Variants in SCFD2 observed in about 807,000 individuals in gnomAD.
SCFD2 encodes sec1 family domain-containing protein 2.
Under a neutral mutation model 58.9 loss-of-function variants are expected in SCFD2, and 54 were observed. The ratio of observed to expected loss-of-function variants is 0.92; its 90% CI spans 0.74 to 1.15. The LOEUF (loss-of-function observed/expected upper bound fraction) is 1.15, where lower values mean the gene tolerates loss of function less well. SCFD2 is among the 50% of genes most tolerant of loss of function. The probability of loss-of-function intolerance (pLI) is 0.00; values close to 1 mark genes in which losing one functional copy is unlikely to be tolerated. For missense variants in SCFD2, 805 were observed against 836.6 expected, an observed-to-expected ratio of 0.96 and a Z score of 0.47; for synonymous variants, 321 against 335.9, an observed-to-expected ratio of 0.96 and a Z score of 0.49.
chr4:53,258,344 A>G (rs971639065), intron 4 of SCFD2, among the ~76,000 whole-genome samples: 2 of 151,710 alleles, frequency 1.3e-5, no homozygotes, highest in African/African-American at 4.8e-5. Context: ...CAAGTCCCCA[A>G]AGTCCACTGT....
chr4:53,113,956 C>G (rs1386632482), intron 5 of SCFD2, among the ~76,000 whole-genome samples: 1 of 98,796 alleles, frequency 1.0e-5, no homozygotes, highest in East Asian at 3.2e-4. Flanking sequence ...ATAATTATTA[C>G]ATAATCATAG....
At chr4:52,934,344 G>T (rs1482687851) in intron 5 of SCFD2, among the ~76,000 whole-genome samples, 1 of 152,196 alleles carries the variant, frequency 6.6e-6, no homozygotes, top group African/African-American at 2.4e-5. Flanking sequence ...AAAGAGACAG[G>T]TCTCAGGCCT....
At chr4:52,952,960 T>C (rs1024775039) in intron 5 of SCFD2, among the ~76,000 whole-genome samples, 1 of 152,222 alleles carries the variant, frequency 6.6e-6, no homozygotes, top group Non-Finnish European at 1.5e-5. Context: ...ATCTTTTTAG[T>C]AGCCACAGAT....
chr4:52,941,501 C>G (rs962190092), intron 5 of SCFD2, among the ~76,000 whole-genome samples: 3 of 152,172 alleles, frequency 2.0e-5, no homozygotes, highest in African/African-American at 4.8e-5. Context: ...CCTTGGTAGT[C>G]TTAAGAAGAT....
intron 4 of SCFD2, among the ~76,000 whole-genome samples, chr4:53,209,671 T>C (rs1728543933): frequency 6.6e-6 from 1 of 151,968 alleles, no homozygotes; most frequent in South Asian, 2.1e-4. Context: ...GATGACATGG[T>C]CTCTGTCCTC....
chr4:53,083,392 T>C (rs1724207073), intron 5 of SCFD2, among the ~76,000 whole-genome samples: 1 of 152,022 alleles, frequency 6.6e-6, no homozygotes, highest in Non-Finnish European at 1.5e-5. Context: ...CTAATACCAG[T>C]CCTACTCAAA....
At chr4:53,064,046 T>C (rs929152081) in intron 5 of SCFD2, among the ~76,000 whole-genome samples, 3 of 152,114 alleles carry the variant, frequency 2.0e-5, no homozygotes, top group African/African-American at 7.2e-5. Context: ...ATCTCAGATT[T>C]ACCTTCATTT....
intron 5 of SCFD2, among the ~76,000 whole-genome samples, chr4:53,125,729 G>A (rs1158659200): frequency 4.6e-5 from 7 of 152,176 alleles, no homozygotes; most frequent in East Asian, 1.9e-4. Context: ...TAGTTTCTCC[G>A]TTATGATGAA....
At chr4:53,180,274 A>G (rs554899944) in intron 4 of SCFD2, among the ~76,000 whole-genome samples, 33 of 152,328 alleles carry the variant, frequency 2.2e-4, no homozygotes, top group Middle Eastern at 3.4e-3. Context: ...CAGCAAAAGT[A>G]AAAGAACAGA....
chr4:52,937,555 C>T (rs1041175259), intron 5 of SCFD2, among the ~76,000 whole-genome samples: 1 of 152,082 alleles, frequency 6.6e-6, no homozygotes, highest in East Asian at 1.9e-4. Context: ...CATCCCTTCC[C>T]GACAGTAAGA....
Position 53,357,967 on chromosome 4 carries a change from A to T in SCFD2, c.839-5201T>A, listed in dbSNP as rs116706381. On this transcript the variant is annotated intron_variant, in intron 1 of 8. Coordinates refer to ENST00000401642, the MANE Select transcript of SCFD2 (RefSeq NM_152540.4). ...TGTGTAATCTGAGGCAAGTTATTTA[A>T]CTCCTCTGTGCTTCAGTTTCATCCG... is the stretch of plus-strand genomic sequence containing the variant. Among the ~76,000 whole-genome samples the T allele has an allele frequency of 5.7e-3, 864 of 152,220 alleles. 6 individuals are homozygous for T. The highest frequency in any genetic ancestry group is 0.02 in the African/African-American group (824 of 41,542).
intron 5 of SCFD2, among the ~76,000 whole-genome samples, chr4:53,003,250 G>C (rs1465352663): frequency 6.6e-6 from 1 of 152,168 alleles, no homozygotes; most frequent in African/African-American, 2.4e-5. Context: ...TCTTGGCCCT[G>C]GGAGTAGAGT....
chr4:53,322,920 A>G (rs1450290655), intron 2 of SCFD2, among the ~76,000 whole-genome samples: 1 of 152,238 alleles, frequency 6.6e-6, no homozygotes, highest in Non-Finnish European at 1.5e-5. Context: ...ACTCTAGGAC[A>G]AAGAGTTAGT....
At chr4:53,121,501 T>C (rs566595877) in intron 5 of SCFD2, among the ~76,000 whole-genome samples, 1 of 152,348 alleles carries the variant, frequency 6.6e-6, no homozygotes, top group South Asian at 2.1e-4. Context: ...TAGGGCTTGC[T>C]GGTTATGAGC....
intron 5 of SCFD2, among the ~76,000 whole-genome samples, chr4:53,130,072 A>G (rs1230715312): frequency 2.0e-5 from 3 of 152,226 alleles, no homozygotes; most frequent in East Asian, 3.8e-4. Context: ...ATGTAACAAA[A>G]TTAGACTTGT....
chr4:53,126,326 T>C (rs1401976045), intron 5 of SCFD2, among the ~76,000 whole-genome samples: 2 of 152,172 alleles, frequency 1.3e-5, no homozygotes, highest in Non-Finnish European at 2.9e-5. Flanking sequence ...TACATCACAT[T>C]GTTTTTTGTT....
At chr4:52,926,213 T>C (rs1423198985) in intron 5 of SCFD2, among the ~76,000 whole-genome samples, 2 of 152,042 alleles carry the variant, frequency 1.3e-5, no homozygotes, top group African/African-American at 4.8e-5. Flanking sequence ...CAGGAAACAG[T>C]CTTGAAGCTT....
At chr4:53,108,030 C>A (rs1409021976) in intron 5 of SCFD2, among the ~76,000 whole-genome samples, 3 of 152,164 alleles carry the variant, frequency 2.0e-5, no homozygotes, top group Non-Finnish European at 4.4e-5. Context: ...GTCTTTCAGA[C>A]CACAGTGCAA....
chr4:53,254,121 CA>C (rs1203429236), intron 4 of SCFD2, among the ~76,000 whole-genome samples: 1 of 152,010 alleles, frequency 6.6e-6, no homozygotes. Flanking sequence ...GGGAAAGGAT[CA>C]GAAAAAATAA....
Sources: allele counts gnomAD v4.1 joint callset (sites outside exome capture counted in the v4.1 genomes callset), GRCh38; gene constraint gnomAD v4.1.1; transcripts MANE v1.5; gene names NCBI Gene and HGNC (gene_info 2026-07-23, HGNC 2026-07-21).